The following RIMS1 variants were observed in gnomAD, a reference collection of about 807,000 sequenced individuals.
RIMS1 encodes the protein regulating synaptic membrane exocytosis 1.
A neutral mutation model predicts 214.1 loss-of-function variants in RIMS1; 83 were observed. The observed-to-expected ratio is 0.39, with a 90% CI of 0.32 to 0.47. The LOEUF is 0.47. RIMS1 is among the 20% of genes least tolerant of loss of function. The pLI is 0.99. For synonymous variants in RIMS1, 793 were observed against 786.8 expected, an observed-to-expected ratio of 1.01 and a Z score of -0.13; for missense variants, 2,050 against 2,161.8, an observed-to-expected ratio of 0.95 and a Z score of 1.03.
intron 4 of RIMS1, among the ~76,000 whole-genome samples, chr6:72,133,356 GA>G (rs1247317955): frequency 6.6e-6 from 1 of 151,130 alleles, no homozygotes; most frequent in Non-Finnish European, 1.5e-5. Context: ...GAATGCGTTA[GA>G]AAAAAAGAAA....
chr6:71,946,943 A>C (rs1201657141), intron 1 of RIMS1, among the ~76,000 whole-genome samples: 1 of 152,140 alleles, frequency 6.6e-6, no homozygotes, highest in Non-Finnish European at 1.5e-5. Flanking sequence ...ACTCAGTAGC[A>C]AAAAGATAAA....
chr6:72,008,839 C>G (rs1808999150), intron 2 of RIMS1, among the ~76,000 whole-genome samples: 2 of 152,068 alleles, frequency 1.3e-5, no homozygotes, highest in Non-Finnish European at 2.9e-5. Flanking sequence ...CCTTAGAGAC[C>G]TACAAAGAGA....
intron 7 of RIMS1, among the ~76,000 whole-genome samples, chr6:72,234,826 A>G (rs902440047): frequency 2.6e-5 from 4 of 152,018 alleles, no homozygotes; most frequent in African/African-American, 9.7e-5. Context: ...TACAGTTTAT[A>G]GCTTGTTCAG....
intron 2 of RIMS1, among the ~76,000 whole-genome samples, chr6:71,979,274 T>C (rs926748611): frequency 1.3e-5 from 2 of 151,972 alleles, no homozygotes; most frequent in Non-Finnish European, 2.9e-5. Flanking sequence ...TTTGATTGAG[T>C]GTATTTAATG....
At chr6:72,310,681 G>T (rs568162161) in intron 27 of RIMS1, among the ~76,000 whole-genome samples, 11 of 151,932 alleles carry the variant, frequency 7.2e-5, no homozygotes, top group African/African-American at 2.4e-4. Context: ...TCCTTCTGAG[G>T]AATTATGTTC....
chr6:72,119,286 G>A (rs989717494), intron 4 of RIMS1, among the ~76,000 whole-genome samples: 2 of 151,696 alleles, frequency 1.3e-5, no homozygotes, highest in African/African-American at 4.8e-5. Context: ...CAAGGAAAGT[G>A]CAAAATGCTG....
At chr6:71,951,778 G>C (rs1192551487) in intron 1 of RIMS1, among the ~76,000 whole-genome samples, 2 of 151,798 alleles carry the variant, frequency 1.3e-5, no homozygotes, top group African/African-American at 4.8e-5. Flanking sequence ...AAAGTGCTGG[G>C]ATTATAGGCG....
intron 15 of RIMS1, among the ~76,000 whole-genome samples, chr6:72,251,657 G>C (rs2073381602): frequency 6.6e-6 from 1 of 152,108 alleles, no homozygotes; most frequent in Admixed American, 6.6e-5. Context: ...AATAATTTCT[G>C]TCATCACTGG....
intron 29 of RIMS1, among the ~76,000 whole-genome samples, chr6:72,345,972 G>A (rs775732820): frequency 4.6e-5 from 7 of 151,708 alleles, no homozygotes; most frequent in Non-Finnish European, 8.9e-5. Flanking sequence ...ACTGGCAATT[G>A]AAATCAATGA....
intron 16 of RIMS1, 60 bp from the exon 17 acceptor site, chr6:72,258,065 G>A: frequency 7.0e-7 from 1 of 1,425,808 alleles, no homozygotes; most frequent in Non-Finnish European, 9.7e-7. Context: ...ATATTCCTGT[G>A]TTAATGTTTG....
At chr6:72,175,614 A>T (rs2047597446) in intron 4 of RIMS1, among the ~76,000 whole-genome samples, 1 of 152,042 alleles carries the variant, frequency 6.6e-6, no homozygotes, top group South Asian at 2.1e-4. Flanking sequence ...CGGAGGTTGC[A>T]GTGAGCCAAG....
Position 72,158,838 on chromosome 6 carries a change from T to C in RIMS1, c.472-20737T>C, listed in dbSNP as rs555565568. ...GGACATTGGATTGGTTCCAGGTCTT[T>C]GCTATTGTGAATGGTGTGGCAATAA... On this transcript the variant is annotated intron_variant, in intron 4 of 33. Coordinates refer to ENST00000521978, the MANE Select transcript of RIMS1 (RefSeq NM_014989.7). 1.4e-4 allele frequency among the ~76,000 whole-genome samples: 19 copies of C among 140,370 alleles called. 1 individual carries two copies. The highest frequency in any genetic ancestry group is 3.9e-4 in the African/African-American group (16 of 40,636). The allele number at this position is 140,370 out of a possible 152,430, so 92.1% of individuals were successfully genotyped here.
chr6:72,119,538 C>A (rs996779928), intron 4 of RIMS1, among the ~76,000 whole-genome samples: 3 of 151,756 alleles, frequency 2.0e-5, no homozygotes, highest in Non-Finnish European at 2.9e-5. Context: ...CATCACATTA[C>A]CCAACTTCAA....
intron 4 of RIMS1, among the ~76,000 whole-genome samples, chr6:72,101,793 T>C (rs2033645986): frequency 6.6e-6 from 1 of 151,904 alleles, no homozygotes; most frequent in East Asian, 1.9e-4. Context: ...GCAAAATTAT[T>C]GTCATATTTT....
At chr6:72,002,317 A>AAT (rs1805527543) in intron 2 of RIMS1, among the ~76,000 whole-genome samples, 2 of 152,268 alleles carry the variant, frequency 1.3e-5, no homozygotes, top group East Asian at 3.9e-4. Context: ...AAAAAAAAAA[A>AAT]ATTACAAAGT....
At chr6:72,272,799 A>G (rs970208421) in intron 22 of RIMS1, among the ~76,000 whole-genome samples, 1 of 152,162 alleles carries the variant, frequency 6.6e-6, no homozygotes, top group Non-Finnish European at 1.5e-5. Flanking sequence ...AACTGAGTAT[A>G]TACCTTAATG....
intron 1 of RIMS1, among the ~76,000 whole-genome samples, chr6:71,903,060 G>A (rs1474628964): frequency 6.6e-6 from 1 of 152,086 alleles, no homozygotes; most frequent in East Asian, 1.9e-4. Flanking sequence ...GGATTGCTGG[G>A]TCAAATGCTA....
At chr6:72,023,811 C>T (rs1290793013) in intron 2 of RIMS1, among the ~76,000 whole-genome samples, 1 of 152,070 alleles carries the variant, frequency 6.6e-6, no homozygotes, top group Non-Finnish European at 1.5e-5. Context: ...ATATTTACTT[C>T]ATAGAGATAT....
At chr6:72,295,195 T>C (rs1302906645) in intron 26 of RIMS1, among the ~76,000 whole-genome samples, 1 of 151,748 alleles carries the variant, frequency 6.6e-6, no homozygotes, top group Non-Finnish European at 1.5e-5. Flanking sequence ...ACTCCAATGA[T>C]ATTCCTCTTC....
Sources: allele counts gnomAD v4.1 joint callset (sites outside exome capture counted in the v4.1 genomes callset), GRCh38; gene constraint gnomAD v4.1.1; transcripts MANE v1.5; gene names NCBI Gene and HGNC (gene_info 2026-07-23, HGNC 2026-07-21).